Variants in TRDN observed in about 807,000 individuals in gnomAD.
TRDN encodes the protein triadin in skeletal muscle.
Under a neutral mutation model 149.7 loss-of-function variants are expected in TRDN, and 161 were observed. That is an observed-to-expected ratio of 1.08 (90% CI 0.95 to 1.23). The LOEUF is 1.23. Among genes scored for constraint, TRDN ranks in the 50% most tolerant of loss-of-function variants. The probability of loss-of-function intolerance (pLI) is 0.00; values close to 1 mark genes in which losing one functional copy is unlikely to be tolerated. For missense variants in TRDN, 896 were observed against 823.5 expected (o/e 1.09, Z -1.08); for synonymous variants, 294 against 250.5 (o/e 1.17, Z -1.64).
rs764355383 is a variant in TRDN at position 123,571,175 on chromosome 6, T to C, written c.23-43A>G. On this transcript the variant is annotated intron_variant, in intron 1 of 40. Coordinates refer to ENST00000334268, the MANE Select transcript of TRDN (RefSeq NM_006073.4). ...AAGGAAAATATAATTTAGAGATTCATGGTAAATATTGATGATGAGAAACAC... is the reference window on the plus strand; with the variant it reads ...AAGGAAAATATAATTTAGAGATTCACGGTAAATATTGATGATGAGAAACAC... 3.1e-6 allele frequency: 5 copies of C among 1,593,596 alleles called. No homozygotes were observed. In the South Asian group the frequency reaches 5.6e-5, roughly 18 times the overall value.
At chr6:123,244,251 G>A (rs529780149) in intron 38 of TRDN, among the ~76,000 whole-genome samples, 70 of 152,216 alleles carry the variant, frequency 4.6e-4, no homozygotes, top group African/African-American at 1.5e-3. Context: ...GGAGTTTGAC[G>A]AATTGACAGA....
chr6:123,406,025 C>G (rs1279849983), intron 12 of TRDN, among the ~76,000 whole-genome samples: 1 of 152,156 alleles, frequency 6.6e-6, no homozygotes. Flanking sequence ...TATGTCTACT[C>G]AAATTTCTAA....
At chr6:123,551,342 TACAC>T (rs10638140) in intron 2 of TRDN, among the ~76,000 whole-genome samples, 5,666 of 140,998 alleles carry the variant, frequency 0.04, 329 homozygotes, top group East Asian at 0.16. Flanking sequence ...AAAACCTAAA[TACAC>T]ACACACACAC....
At chr6:123,286,807 T>A (rs773155919) in intron 24 of TRDN, among the ~76,000 whole-genome samples, 3 of 152,048 alleles carry the variant, frequency 2.0e-5, no homozygotes, top group African/African-American at 7.2e-5. Context: ...TAGGTTCTAG[T>A]GCAATGGTCC....
intron 1 of TRDN, among the ~76,000 whole-genome samples, chr6:123,615,433 G>A (rs1054551868): frequency 1.2e-4 from 18 of 151,998 alleles, no homozygotes; most frequent in Non-Finnish European, 2.6e-4. Context: ...GAAAGCAAAT[G>A]TGGTGTATGC....
intron 12 of TRDN, among the ~76,000 whole-genome samples, chr6:123,405,645 G>A (rs1337333036): frequency 4.6e-5 from 7 of 152,054 alleles, no homozygotes; most frequent in Non-Finnish European, 7.4e-5. Context: ...AGAGGTTACC[G>A]TGATAAATTC....
At chr6:123,602,406 A>G (rs1562419805) in intron 1 of TRDN, among the ~76,000 whole-genome samples, 1 of 149,156 alleles carries the variant, frequency 6.7e-6, no homozygotes, top group Non-Finnish European at 1.5e-5. Flanking sequence ...GAATGATACA[A>G]TGGACTTTGA....
intron 21 of TRDN, chr6:123,350,350 A>C (rs1780412727): frequency 1.1e-6 from 1 of 945,812 alleles, no homozygotes; most frequent in East Asian, 1.2e-4. Flanking sequence ...CAGATCACAA[A>C]GTGTACTTAA....
chr6:123,525,018 A>G (rs1045179164), intron 5 of TRDN, among the ~76,000 whole-genome samples: 1 of 152,146 alleles, frequency 6.6e-6, no homozygotes, highest in South Asian at 2.1e-4. Context: ...ATCATCTTAC[A>G]TCATTCAGAA....
At position 123,224,090 on chromosome 6, in the gene TRDN, C is replaced by A; in HGVS notation, c.2014+3G>T. The A allele has an allele frequency of 6.2e-7, 1 of 1,609,480 alleles. No individual in the cohort carries two copies. The highest frequency in any genetic ancestry group is 2.2e-5 in the East Asian group (1 of 44,730). On this transcript the variant is annotated splice_donor_region_variant and intron_variant, in intron 39 of 40. Coordinates refer to ENST00000334268, the MANE Select transcript of TRDN (RefSeq NM_006073.4). ...GTAAATGATCCAAAGACAGCAAACT[C>A]ACCTTTAGCTTTCTTTGAAGCTGGT...
intron 2 of TRDN, among the ~76,000 whole-genome samples, chr6:123,558,040 G>A (rs1781773840): frequency 1.3e-5 from 2 of 152,010 alleles, no homozygotes; most frequent in Admixed American, 6.6e-5. Flanking sequence ...CAGCACTTTC[G>A]ACTTTTCCAC....
At chr6:123,247,992 A>G (rs1776246238) in intron 38 of TRDN, among the ~76,000 whole-genome samples, 1 of 152,060 alleles carries the variant, frequency 6.6e-6, no homozygotes, top group South Asian at 2.1e-4. Context: ...AAAACAAACA[A>G]TGGGAAAAGG....
chr6:123,245,107 G>A (rs1183673826), intron 38 of TRDN, among the ~76,000 whole-genome samples: 1 of 152,068 alleles, frequency 6.6e-6, no homozygotes, highest in East Asian at 1.9e-4. Context: ...ACTAAATATG[G>A]AAAAGAAAAA....
chr6:123,231,658 C>A (rs1775606404), intron 38 of TRDN, among the ~76,000 whole-genome samples: 1 of 151,926 alleles, frequency 6.6e-6, no homozygotes, highest in Non-Finnish European at 1.5e-5. Context: ...GTGTTTCTCA[C>A]ATATATGGCC....
At chr6:123,221,346 C>G in intron 40 of TRDN, 141 bp downstream of exon 40, 1 of 424,842 alleles carries the variant, frequency 2.4e-6, no homozygotes, top group Non-Finnish European at 4.3e-6. Flanking sequence ...TATAAATGAC[C>G]TACTTTAATG....
chr6:123,448,981 C>T (rs1274156596), intron 10 of TRDN, among the ~76,000 whole-genome samples: 1 of 152,052 alleles, frequency 6.6e-6, no homozygotes, highest in Non-Finnish European at 1.5e-5. Flanking sequence ...ACAATCACTG[C>T]AGTTTGGCTC....
chr6:123,469,862 A>G (rs890137551), intron 9 of TRDN: 2 of 152,248 alleles, frequency 1.3e-5, no homozygotes, highest in African/African-American at 2.4e-5. Flanking sequence ...GAAAACAAAA[A>G]CGTTCTCAGC....
At chr6:123,442,842 A>T (rs959067775) in intron 10 of TRDN, among the ~76,000 whole-genome samples, 9 of 152,136 alleles carry the variant, frequency 5.9e-5, no homozygotes, top group Non-Finnish European at 1.3e-4. Flanking sequence ...AGGGAAAAAA[A>T]TACCCATAAG....
chr6:123,511,738 T>C (rs1270421052), intron 7 of TRDN, among the ~76,000 whole-genome samples: 1 of 152,178 alleles, frequency 6.6e-6, no homozygotes, highest in Non-Finnish European at 1.5e-5. Context: ...GAAATCAAGT[T>C]GTCACCTAGG....
Sources: gnomAD v4.1 joint callset for allele counts (sites outside exome capture counted in the v4.1 genomes callset) on GRCh38, gnomAD v4.1.1 for gene constraint, MANE v1.5 for transcripts, NCBI Gene and HGNC (gene_info 2026-07-23, HGNC 2026-07-21) for gene names.